Variants in ARAP3 observed in about 807,000 individuals in gnomAD.
ARAP3 encodes arf-GAP with Rho-GAP domain, ANK repeat and PH domain-containing protein 3.
In ARAP3, 82 loss-of-function variants were observed where a neutral mutation model predicts 169.2. The ratio of observed to expected loss-of-function variants is 0.48; its 90% CI spans 0.41 to 0.58. The LOEUF is 0.58. ARAP3 is among the 20% of genes least tolerant of loss of function. The pLI is 0.00. For synonymous variants in ARAP3, 791 were observed against 800.3 expected (o/e 0.99, Z 0.20); for missense variants, 1,764 against 2,018.0 (o/e 0.87, Z 2.41).
chr5:141,663,555 C>T (rs1008119059), intron 19 of ARAP3, among the ~76,000 whole-genome samples: 3 of 152,232 alleles, frequency 2.0e-5, no homozygotes, highest in Admixed American at 1.3e-4. Context: ...TCCCAAAGTG[C>T]TGGGATTACA....
intron 16 of ARAP3, among the ~76,000 whole-genome samples, chr5:141,667,440 T>C (rs1480951188): frequency 6.6e-6 from 1 of 151,532 alleles, no homozygotes; most frequent in Non-Finnish European, 1.5e-5. Context: ...TCTTTCTTTT[T>C]TTTTTTTTTT....
In ARAP3 at chr5:141,672,789, C is replaced by T. The variant is rs2099911622; in HGVS notation, c.1230G>A (p.Val410=). 6.2e-7 allele frequency: 1 copy of T among 1,614,066 alleles called. No individual in the cohort carries two copies. Among genetic ancestry groups the T allele is most frequent in the Non-Finnish European group, 8.5e-7 (1 of 1,179,990 alleles). ...MLELRGHKAK[V]FAALSPGELA... is the part of the protein sequence containing the mutation. ...GCTCTCCAGGGCTCAAGGCAGCAAA[C>T]ACCTTGGCCTTGTGTCCACGCAGCT... Residue 410 remains valine (V), a synonymous_variant, in exon 8 of 33, where the codon GTG becomes GTA. Coordinates refer to ENST00000239440, the MANE Select transcript of ARAP3 (RefSeq NM_022481.6). The surrounding 1 kb of genome is among the most constrained non-coding windows in gnomAD (Gnocchi z 4.9).
intron 25 of ARAP3, 88 bp downstream of exon 25, chr5:141,658,277 G>T: frequency 7.8e-7 from 1 of 1,290,026 alleles, no homozygotes; most frequent in Non-Finnish European, 1.1e-6. Flanking sequence ...ATTCATATTT[G>T]GTAACATGAA....
At position 141,672,500 on chromosome 5, in the gene ARAP3, GTGCCTCCCGCAAAAGTCCCCCAGCCT is replaced by G; in HGVS notation, c.1385+26_1385+51del. The G allele has an allele frequency of 6.3e-7, 1 of 1,595,784 alleles. No homozygotes were observed. The highest frequency in any genetic ancestry group is 8.6e-7 in the Non-Finnish European group (1 of 1,168,768). ...GAGGCCTCTAGTCCTCTGCACCCTT[GTGCCTCCCGCAAAAGTCCCCCAGCCT>G]TGCCTCCCACTGGCCCAGGCCCCAC... On this transcript the variant is annotated intron_variant, in intron 9 of 32. Coordinates refer to ENST00000239440, the MANE Select transcript of ARAP3 (RefSeq NM_022481.6). The surrounding 1 kb of genome is among the most constrained non-coding windows in gnomAD (Gnocchi z 4.9).
chr5:141,675,419 AT>A (rs1016625573), intron 4 of ARAP3, among the ~76,000 whole-genome samples: 2 of 152,208 alleles, frequency 1.3e-5, no homozygotes, highest in South Asian at 2.1e-4. Context: ...CCTAAAAAAA[AT>A]AAAATAAAAA....
At chr5:141,661,811 G>T in intron 20 of ARAP3, 22 bp from the exon 21 acceptor site, 3 of 1,612,220 alleles carry the variant, frequency 1.9e-6, no homozygotes, top group Non-Finnish European at 2.5e-6. Context: ...ATGGAGGAGG[G>T]TTGGGGAGGA....
chr5:141,679,446 C>G (rs1441066960), intron 4 of ARAP3, 99 bp downstream of exon 4: 10 of 1,200,104 alleles, frequency 8.3e-6, no homozygotes, highest in Non-Finnish European at 9.6e-6. Flanking sequence ...GAGTGCCTGG[C>G]TGGTGAATAC....
intron 3 of ARAP3, 22 bp downstream of exon 3, chr5:141,679,739 C>G (rs1036129955): frequency 6.2e-7 from 1 of 1,614,156 alleles, no homozygotes; most frequent in South Asian, 1.1e-5. Context: ...CCCTCTCCCC[C>G]AACCCGTGAT....
chr5:141,673,842 T>C (rs751103899), intron 4 of ARAP3, 34 bp from the exon 5 acceptor site: 2 of 1,606,328 alleles, frequency 1.2e-6, no homozygotes, highest in Non-Finnish European at 1.7e-6. Flanking sequence ...GGACACACAT[T>C]AGACAAGTAC....
chr5:141,669,993 G>C lies in ARAP3; in HGVS notation c.2178C>G (p.Pro726=), dbSNP rs1394356038. 6.3e-7 allele frequency: 1 copy of C among 1,598,324 alleles called. No individual in the cohort carries two copies. Among genetic ancestry groups the C allele is most frequent in the South Asian group, 1.1e-5 (1 of 88,990 alleles). The part of the protein sequence containing the change: ...EMFASENSPE[P]LSLIQPQDIV... The stretch of plus-strand genomic sequence containing the variant: ...TATCCTGGGGCTGTATGAGGCTGAG[G>C]GGTTCAGGGCTGTTTTCCGATGCAA... The change falls in exon 15 of 33, where the codon CCC becomes CCG. Residue 726 remains proline, a synonymous_variant. Transcript: ENST00000239440.
chr5:141,669,641 G>A lies in ARAP3; in HGVS notation c.2352+68C>T, dbSNP rs936418530. ...AAGAAGTGGCTGTAGGAATAAGAGA[G>A]GAGAAGATGGGAGCACGTGGGGACA... On this transcript the variant is annotated intron_variant, in intron 16 of 32. Transcript: ENST00000239440. 3.5e-6 allele frequency: 5 copies of A among 1,430,144 alleles called. No homozygotes were observed. In the East Asian group the frequency reaches 1.1e-4, roughly 33 times the overall value. 88.6% of individuals were successfully genotyped at this position (1,430,144 alleles called of 1,614,324 possible).
intron 2 of ARAP3, 66 bp downstream of exon 2, chr5:141,679,897 C>G: frequency 1.2e-6 from 2 of 1,611,186 alleles, no homozygotes; most frequent in African/African-American, 1.3e-5. Flanking sequence ...TCCCCGCCTC[C>G]GTCCCCCTCA....
At position 141,654,112 on chromosome 5, in the gene ARAP3, G is replaced by T. The variant is rs1360620923; in HGVS notation, c.4473C>A (p.Ser1491Arg). Residue 1491 changes from serine to arginine, a missense_variant, in exon 33 of 33, where the codon AGC becomes AGA. By Grantham distance (110) the Ser-to-Arg change is moderately radical. Coordinates refer to ENST00000239440, the MANE Select transcript of ARAP3 (RefSeq NM_022481.6). ...LEEQLLQELSSLILRKGETTA... is the reference protein window; with the variant it reads ...LEEQLLQELSRLILRKGETTA... ...TGGTCTCTCCTTTCCTCAGGATGAG[G>T]CTGCTGAGCTCCTGGAGCAGCTGTT... 6.2e-7 allele frequency: 1 copy of T among 1,612,036 alleles called. No homozygotes were observed. The highest frequency in any genetic ancestry group is 8.5e-7 in the Non-Finnish European group (1 of 1,178,858).
intron 4 of ARAP3, 89 bp from the exon 5 acceptor site, chr5:141,673,897 T>G: frequency 8.4e-7 from 1 of 1,188,908 alleles, no homozygotes; most frequent in Non-Finnish European, 1.2e-6. Flanking sequence ...TCACATCACC[T>G]AAGAATAGAA....
intron 4 of ARAP3, among the ~76,000 whole-genome samples, chr5:141,674,925 A>G (rs1489949455): frequency 1.3e-5 from 2 of 152,184 alleles, no homozygotes; most frequent in African/African-American, 4.8e-5. Context: ...TTCTTTTACA[A>G]ATGCAGATGA....
chr5:141,672,695 G>T lies in ARAP3; in HGVS notation c.1279-37C>A. 6.2e-7 allele frequency: 1 copy of T among 1,614,060 alleles called. No individual in the cohort carries two copies. Among genetic ancestry groups the T allele is most frequent in the Non-Finnish European group, 8.5e-7 (1 of 1,179,962 alleles). The stretch of plus-strand genomic sequence containing the variant: ...AGGGGGTGGGCATCATGAGGTGCCA[G>T]AAGGGACTAGTTCAGGCCCCTCAGC... On this transcript the variant is annotated intron_variant, in intron 8 of 32. Coordinates refer to ENST00000239440, the MANE Select transcript of ARAP3 (RefSeq NM_022481.6). This position sits in a 1 kb window ranked among gnomAD's most constrained non-coding sequence, Gnocchi z 4.9.
At position 141,655,852 on chromosome 5, in the gene ARAP3, C is replaced by A; in HGVS notation, c.3972+17G>T. Reference sequence around the variant, plus strand: ...GGGGACCACAGACCCAGCCCTCAGCCTTTTCTTTCCCCTCACCTGGGCTTT... The same window carrying A: ...GGGGACCACAGACCCAGCCCTCAGCATTTTCTTTCCCCTCACCTGGGCTTT... On this transcript the variant is annotated intron_variant, in intron 30 of 32. Transcript: ENST00000239440. 6.2e-7 allele frequency: 1 copy of A among 1,614,080 alleles called. No individual in the cohort carries two copies.
At chr5:141,666,788 C>T (rs1273442747) in intron 16 of ARAP3, 145 bp from the exon 17 acceptor site, 5 of 439,828 alleles carry the variant, frequency 1.1e-5, no homozygotes, top group African/African-American at 8.1e-5. Flanking sequence ...AAAAGGGATG[C>T]GAGAGAGCAG....
At chr5:141,681,727 C>A (rs1196218817) in intron 1 of ARAP3, among the ~76,000 whole-genome samples, 1 of 152,218 alleles carries the variant, frequency 6.6e-6, no homozygotes, top group Admixed American at 6.5e-5. Context: ...CCGCCTCGGC[C>A]TAGGCTCTCT....
Sources: gnomAD v4.1 joint callset for allele counts (sites outside exome capture counted in the v4.1 genomes callset) on GRCh38, gnomAD v4.1.1 for gene constraint, Gnocchi (gnomAD v3.1) non-coding constraint, MANE v1.5 for transcripts, NCBI Gene and HGNC (gene_info 2026-07-23, HGNC 2026-07-21) for gene names.